YWHAG: variants seen among roughly 807,000 people sequenced by gnomAD.
YWHAG encodes the protein 14-3-3 protein gamma.
Under a neutral mutation model 23.3 loss-of-function variants are expected in YWHAG, and 1 was observed. The ratio of observed to expected loss-of-function variants is 0.04; its 90% CI spans 0.02 to 0.20. The LOEUF is 0.20. Ranked by LOEUF, YWHAG falls within the 10% of genes least tolerant of loss-of-function variation. YWHAG has a pLI of 1.00. For synonymous variants in YWHAG, 160 were observed against 144.0 expected (o/e 1.11, Z -0.80); for missense variants, 151 against 338.6 (o/e 0.45, Z 4.35).
At chr7:76,350,855 GAGAAA>G (rs1262422499) in intron 1 of YWHAG, among the ~76,000 whole-genome samples, 1 of 151,858 alleles carries the variant, frequency 6.6e-6, no homozygotes, top group African/African-American at 2.4e-5. Context: ...AAAAAGAAAA[GAGAAA>G]AGAAAAATCG....
At chr7:76,354,238 C>T (rs562704741) in intron 1 of YWHAG, among the ~76,000 whole-genome samples, 2 of 151,782 alleles carry the variant, frequency 1.3e-5, no homozygotes, top group Non-Finnish European at 2.9e-5. Flanking sequence ...AGGCTGGGCA[C>T]GGTGGCTCAC....
At chr7:76,339,098 A>G (rs527301479) in intron 1 of YWHAG, among the ~76,000 whole-genome samples, 6 of 152,362 alleles carry the variant, frequency 3.9e-5, no homozygotes, top group African/African-American at 1.4e-4. Flanking sequence ...AATTTTATAT[A>G]AACAGTTTAT....
chr7:76,346,896 C>T (rs1360750179), intron 1 of YWHAG, among the ~76,000 whole-genome samples: 2 of 152,152 alleles, frequency 1.3e-5, no homozygotes, highest in Non-Finnish European at 2.9e-5. Context: ...TTTCCTGCTA[C>T]TCCCTCAAAA....
chr7:76,350,968 AT>A (rs1803863786), intron 1 of YWHAG, among the ~76,000 whole-genome samples: 1 of 152,246 alleles, frequency 6.6e-6, no homozygotes, highest in African/African-American at 2.4e-5. Flanking sequence ...AAGCAAAAAA[AT>A]AATTAAATTA....
chr7:76,344,380 A>G (rs1277466043), intron 1 of YWHAG, among the ~76,000 whole-genome samples: 1 of 152,160 alleles, frequency 6.6e-6, no homozygotes, highest in Non-Finnish European at 1.5e-5. Flanking sequence ...GGCTTGTTAA[A>G]ACATTTTTAA....
At chr7:76,331,962 G>C (rs1164043520) in intron 1 of YWHAG, among the ~76,000 whole-genome samples, 1 of 152,114 alleles carries the variant, frequency 6.6e-6, no homozygotes, top group African/African-American at 2.4e-5. Flanking sequence ...ACCAAATCAT[G>C]CTTATTAGTT....
intron 1 of YWHAG, among the ~76,000 whole-genome samples, chr7:76,346,047 A>G (rs1803775181): frequency 6.6e-6 from 1 of 152,216 alleles, no homozygotes; most frequent in Non-Finnish European, 1.5e-5. Flanking sequence ...TCTGGAATTA[A>G]GTCTACAATT....
intron 1 of YWHAG, among the ~76,000 whole-genome samples, chr7:76,331,011 A>G (rs2115591433): frequency 6.6e-6 from 1 of 152,378 alleles, no homozygotes; most frequent in East Asian, 1.9e-4. Context: ...ATGACTACAA[A>G]TAACTGCTTA....
chr7:76,335,231 T>A (rs1397171788), intron 1 of YWHAG, among the ~76,000 whole-genome samples: 11 of 152,054 alleles, frequency 7.2e-5, no homozygotes, highest in Non-Finnish European at 1.6e-4. Flanking sequence ...CTAATTTTTG[T>A]ACTTTTAATA....
At chr7:76,348,340 C>T (rs1392591947) in intron 1 of YWHAG, among the ~76,000 whole-genome samples, 1 of 149,032 alleles carries the variant, frequency 6.7e-6, no homozygotes, top group East Asian at 2.0e-4. Flanking sequence ...CTCACTGTAG[C>T]CTGTCTCCCT....
At chr7:76,347,988 G>A (rs1273850261) in intron 1 of YWHAG, among the ~76,000 whole-genome samples, 1 of 152,202 alleles carries the variant, frequency 6.6e-6, no homozygotes, top group Non-Finnish European at 1.5e-5. Flanking sequence ...AAGAAACCGG[G>A]TTACACTTGT....
At chr7:76,348,505 G>A (rs1441481173) in intron 1 of YWHAG, among the ~76,000 whole-genome samples, 1 of 149,002 alleles carries the variant, frequency 6.7e-6, no homozygotes, top group Non-Finnish European at 1.5e-5. Flanking sequence ...CCGGGTTCAC[G>A]CCATTCTCCT....
intron 1 of YWHAG, among the ~76,000 whole-genome samples, chr7:76,354,476 G>A (rs1803921688): frequency 6.6e-6 from 1 of 152,044 alleles, no homozygotes; most frequent in Admixed American, 6.6e-5. Context: ...CCACACCACT[G>A]CCCACTGCAC....
chr7:76,350,700 C>T (rs1385404038), intron 1 of YWHAG, among the ~76,000 whole-genome samples: 3 of 152,054 alleles, frequency 2.0e-5, no homozygotes, highest in Non-Finnish European at 4.4e-5. Context: ...AAAAATTAGC[C>T]GGGCGTGGTG....
At chr7:76,334,299 T>C (rs1258316161) in intron 1 of YWHAG, among the ~76,000 whole-genome samples, 2 of 152,222 alleles carry the variant, frequency 1.3e-5, no homozygotes, top group Non-Finnish European at 2.9e-5. Context: ...AAAGAACAAG[T>C]TATTCTAATA....
At chr7:76,340,330 T>C (rs1023111198) in intron 1 of YWHAG, among the ~76,000 whole-genome samples, 1 of 152,244 alleles carries the variant, frequency 6.6e-6, no homozygotes, top group Non-Finnish European at 1.5e-5. Context: ...TTGAATCATA[T>C]ACTACCTGGA....
chr7:76,344,529 T>C (rs535207195), intron 1 of YWHAG, among the ~76,000 whole-genome samples: 1 of 152,260 alleles, frequency 6.6e-6, no homozygotes, highest in East Asian at 1.9e-4. Flanking sequence ...TATTCCAAAA[T>C]TAGTTCGATC....
intron 1 of YWHAG, among the ~76,000 whole-genome samples, chr7:76,339,906 C>T (rs1297696353): frequency 1.3e-5 from 2 of 152,066 alleles, no homozygotes; most frequent in East Asian, 1.9e-4. Context: ...CTGGCCAACA[C>T]GGTGAAACCC....
intron 1 of YWHAG, among the ~76,000 whole-genome samples, chr7:76,340,731 C>T (rs1432186535): frequency 6.6e-6 from 1 of 152,194 alleles, no homozygotes; most frequent in African/African-American, 2.4e-5. Flanking sequence ...AGCAGCCCTA[C>T]CCCTTGCCAG....
Sources: allele counts gnomAD v4.1 joint callset (sites outside exome capture counted in the v4.1 genomes callset), GRCh38; gene constraint gnomAD v4.1.1; transcripts MANE v1.5; gene names NCBI Gene and HGNC (gene_info 2026-07-23, HGNC 2026-07-21).